The following DDX19A variants were observed in gnomAD, a reference collection of about 807,000 sequenced individuals.
The protein encoded by DDX19A is DEAD-box helicase 19A.
In DDX19A, 12 loss-of-function variants were observed where a neutral mutation model predicts 60.6. The observed-to-expected ratio is 0.20, with a 90% CI of 0.13 to 0.32. The LOEUF (loss-of-function observed/expected upper bound fraction) is 0.32. Ranked by LOEUF, DDX19A falls within the 10% of genes least tolerant of loss-of-function variation. The pLI, the probability that DDX19A is intolerant of heterozygous loss-of-function variation, is 1.00. For missense variants in DDX19A, 337 were observed against 600.6 expected, an observed-to-expected ratio of 0.56 and a Z score of 4.59; for synonymous variants, 206 against 218.2, an observed-to-expected ratio of 0.94 and a Z score of 0.49.
At chr16:70,371,870 C>T (rs1433259115) in intron 11 of DDX19A, 55 bp from the exon 12 acceptor site, 2 of 1,613,692 alleles carry the variant, frequency 1.2e-6, no homozygotes, top group Admixed American at 1.7e-5. Context: ...ATTGCTGTGG[C>T]CTGAGGTGGG....
Position 70,360,625 on chromosome 16 carries a change from G to A in DDX19A, c.294-793G>A, listed in dbSNP as rs567502639. Among the ~76,000 whole-genome samples, 13 of 151,630 alleles carry A rather than the reference G, an allele frequency of 8.6e-5. No homozygotes were observed. In the East Asian group the frequency reaches 9.8e-4, roughly 11 times the overall value. On this transcript the variant is annotated intron_variant, in intron 4 of 11. Transcript: ENST00000302243. ...CTCCCAAAGTGCTGGGATTACAGGC[G>A]TGAGCTACCACGCCCAGCCCATCAA...
chr16:70,361,547 A>G (rs1270991443), intron 5 of DDX19A, 37 bp downstream of exon 5: 2 of 1,536,258 alleles, frequency 1.3e-6, no homozygotes, highest in South Asian at 1.1e-5. Flanking sequence ...ACCCAGTGTG[A>G]TTAGATCAAT....
chr16:70,361,404 T>C lies in DDX19A; in HGVS notation c.294-14T>C. The stretch of plus-strand genomic sequence containing the variant: ...ACTTCTAGGCATCCATCCTCTGTCT[T>C]CCTGGCTTCCTAGGAAACCACAGCT... On this transcript the variant is annotated splice_polypyrimidine_tract_variant and intron_variant, in intron 4 of 11. Transcript: ENST00000302243. 6.3e-7 allele frequency: 1 copy of C among 1,596,882 alleles called. No individual in the cohort carries two copies. The highest frequency in any genetic ancestry group is 8.6e-7 in the Non-Finnish European group (1 of 1,164,466).
At chr16:70,367,245 G>A (rs1042775640) in intron 9 of DDX19A, among the ~76,000 whole-genome samples, 11 of 151,582 alleles carry the variant, frequency 7.3e-5, no homozygotes, top group Admixed American at 3.9e-4. Flanking sequence ...TGACTAACAC[G>A]GTGAAACCCC....
intron 9 of DDX19A, among the ~76,000 whole-genome samples, chr16:70,367,250 A>C (rs998526529): frequency 9.2e-5 from 14 of 151,848 alleles, no homozygotes; most frequent in Non-Finnish European, 1.8e-4. Context: ...AACACGGTGA[A>C]ACCCCATCTC....
At chr16:70,350,495 C>T in intron 1 of DDX19A, 62 bp from the exon 2 acceptor site, 1 of 1,341,496 alleles carries the variant, frequency 7.5e-7, no homozygotes, top group African/African-American at 1.5e-5. Context: ...TTTTTCTTTT[C>T]TTAGGGACCT....
chr16:70,357,542 C>T (rs1964251100), intron 4 of DDX19A, among the ~76,000 whole-genome samples: 1 of 151,402 alleles, frequency 6.6e-6, no homozygotes, highest in Admixed American at 6.6e-5. Flanking sequence ...TGTGCCACAA[C>T]ACCCAGCTAA....
intron 2 of DDX19A, among the ~76,000 whole-genome samples, chr16:70,352,750 C>G (rs1471480965): frequency 6.6e-6 from 1 of 151,002 alleles, no homozygotes; most frequent in South Asian, 2.1e-4. Flanking sequence ...GATTCTCCTG[C>G]TTCAGCCTTC....
intron 11 of DDX19A, 55 bp from the exon 12 acceptor site, chr16:70,371,870 C>A (rs1433259115): frequency 5.0e-6 from 8 of 1,613,574 alleles, no homozygotes; most frequent in African/African-American, 2.7e-5. Context: ...ATTGCTGTGG[C>A]CTGAGGTGGG....
chr16:70,368,674 G>A (rs1381276970), intron 9 of DDX19A, among the ~76,000 whole-genome samples: 6 of 151,282 alleles, frequency 4.0e-5, no homozygotes, highest in Admixed American at 4.0e-4. Context: ...AACCTCCCAA[G>A]TAGGTGGGAC....
At chr16:70,352,976 GT>G (rs1449869721) in intron 2 of DDX19A, among the ~76,000 whole-genome samples, 2 of 152,022 alleles carry the variant, frequency 1.3e-5, no homozygotes, top group African/African-American at 4.8e-5. Flanking sequence ...AGATGTTTGG[GT>G]GGTCCCATTC....
chr16:70,357,019 C>CAGG (rs1407589109), intron 4 of DDX19A: 118 of 360,504 alleles, frequency 3.3e-4, no homozygotes, highest in African/African-American at 2.5e-3. Context: ...GAGGCCAAGG[C>CAGG]AGGCAGATCA....
intron 1 of DDX19A, among the ~76,000 whole-genome samples, chr16:70,349,580 A>C (rs944318469): frequency 1.1e-4 from 16 of 152,186 alleles, no homozygotes; most frequent in African/African-American, 3.6e-4. Flanking sequence ...TAGCCATCAG[A>C]CATTTGGAAA....
Position 70,373,359 on chromosome 16 carries a change from C to A in DDX19A, c.*1373C>A, listed in dbSNP as rs1307366913. 6.6e-6 allele frequency: 1 copy of A among 152,188 alleles called. No individual in the cohort carries two copies. Among genetic ancestry groups the A allele is most frequent in the Non-Finnish European group, 1.5e-5 (1 of 68,040 alleles). 9.4% of individuals were successfully genotyped at this position (152,188 alleles called of 1,614,324 possible). A position where few individuals can be genotyped will look rare whatever the true frequency, so the allele number is the denominator to read the frequency against. On this transcript the variant is annotated 3_prime_UTR_variant, in exon 12 of 12. Coordinates refer to ENST00000302243, the MANE Select transcript of DDX19A (RefSeq NM_018332.5). ...TATTTGTATTTTTCTGCTTATTAGA[C>A]AAATATATACTCATTTTAAAAAGGC...
In DDX19A at chr16:70,346,939, T is replaced by G; in HGVS notation, c.-53T>G. 2 of 1,572,072 alleles carry G rather than the reference T, an allele frequency of 1.3e-6. No individual in the cohort carries two copies. The highest frequency in any genetic ancestry group is 8.7e-7 in the Non-Finnish European group (1 of 1,155,144). ...CCGGTGGCGAGGTTAGGGCCCGCGT[T>G]GCGACGTGGTGCAGCGCATATTTTC... On this transcript the variant is annotated 5_prime_UTR_variant, in exon 1 of 12. Coordinates refer to ENST00000302243, the MANE Select transcript of DDX19A (RefSeq NM_018332.5).
chr16:70,347,970 G>C (rs890993901), intron 1 of DDX19A: 1 of 450,054 alleles, frequency 2.2e-6, no homozygotes, highest in African/African-American at 2.0e-5. Context: ...GATTACAGCC[G>C]TGAGTCACCG....
rs1385975772 is a variant in DDX19A, at chr16:70,346,938, T to G, written c.-54T>G. The G allele has an allele frequency of 6.4e-7, 1 of 1,564,966 alleles. No individual in the cohort carries two copies. The highest frequency in any genetic ancestry group is 1.7e-4 in the Middle Eastern group (1 of 6,006). ...GCCGGTGGCGAGGTTAGGGCCCGCGTTGCGACGTGGTGCAGCGCATATTTT... is the reference window on the plus strand; with the variant it reads ...GCCGGTGGCGAGGTTAGGGCCCGCGGTGCGACGTGGTGCAGCGCATATTTT... On this transcript the variant is annotated 5_prime_UTR_variant, in exon 1 of 12. Coordinates refer to ENST00000302243, the MANE Select transcript of DDX19A (RefSeq NM_018332.5).
intron 4 of DDX19A, chr16:70,356,891 G>A (rs1030247248): frequency 7.9e-7 from 1 of 1,267,976 alleles, no homozygotes. Context: ...TGGATGTCAG[G>A]AACATTTCTG....
chr16:70,364,449 A>G, intron 5 of DDX19A, 94 bp from the exon 6 acceptor site: 2 of 959,790 alleles, frequency 2.1e-6, no homozygotes, highest in Non-Finnish European at 3.3e-6. Flanking sequence ...GAGAAGCACG[A>G]AGGGGGAAAT....
Sources: gnomAD v4.1 joint callset for allele counts (sites outside exome capture counted in the v4.1 genomes callset) on GRCh38, gnomAD v4.1.1 for gene constraint, MANE v1.5 for transcripts, NCBI Gene and HGNC (gene_info 2026-07-23, HGNC 2026-07-21) for gene names.